CCSER2: variants seen among roughly 807,000 people sequenced by gnomAD.
CCSER2 encodes the protein serine-rich coiled-coil domain-containing protein 2.
In CCSER2, 46 loss-of-function variants were observed where a neutral mutation model predicts 92.3. The observed-to-expected ratio is 0.50, with a 90% confidence interval of 0.39 to 0.64. The LOEUF is 0.64. CCSER2 is among the 30% of genes least tolerant of loss of function. The pLI is 0.00. For missense variants in CCSER2, 1,244 were observed against 1,238.9 expected (o/e 1.00, Z -0.06); for synonymous variants, 433 against 431.4 (o/e 1.00, Z -0.04).
intron 1 of CCSER2, among the ~76,000 whole-genome samples, chr10:84,352,180 T>G (rs1028091826): frequency 2.6e-5 from 4 of 152,202 alleles, no homozygotes; most frequent in South Asian, 4.1e-4. Context: ...GGCACACGCC[T>G]ATAGTCCCAG....
At chr10:84,442,799 C>T (rs1440366465) in intron 6 of CCSER2, among the ~76,000 whole-genome samples, 1 of 152,062 alleles carries the variant, frequency 6.6e-6, no homozygotes, top group Non-Finnish European at 1.5e-5. Context: ...GATATATAGA[C>T]CAATGGAACA....
At chr10:84,511,511 T>C (rs12772335) in intron 9 of CCSER2, among the ~76,000 whole-genome samples, 8,866 of 152,302 alleles carry the variant, frequency 0.058, 369 homozygotes, top group Admixed American at 0.1. Context: ...ATAGACATAT[T>C]ACAATAAAGT....
chr10:84,481,063 A>C (rs748226845), intron 9 of CCSER2, among the ~76,000 whole-genome samples: 2 of 152,180 alleles, frequency 1.3e-5, no homozygotes, highest in Non-Finnish European at 2.9e-5. Context: ...ATGACCAGAA[A>C]GTGGCTTGGT....
rs1329725995 is a variant in CCSER2, at chr10:84,514,941, C to G, written c.*674C>G. 5 of 152,650 alleles carry G rather than the reference C, an allele frequency of 3.3e-5. No individual in the cohort carries two copies. The highest frequency in any genetic ancestry group is 7.3e-5 in the Non-Finnish European group (5 of 68,064). The allele number at this position is 152,650 out of a possible 1,614,324, so 9.5% of individuals were successfully genotyped here. A position where few individuals can be genotyped will look rare whatever the true frequency, so the allele number is the denominator to read the frequency against. On this transcript the variant is annotated 3_prime_UTR_variant, in exon 10 of 10. Coordinates refer to ENST00000372088, the MANE Select transcript of CCSER2 (RefSeq NM_001284240.2). ...AAATCAGTTATATATTCCTTTACAT[C>G]TTGTTTTACAAACACATGTGCATGC...
At chr10:84,400,003 T>TAG (rs1340116094) in intron 3 of CCSER2, among the ~76,000 whole-genome samples, 2 of 152,126 alleles carry the variant, frequency 1.3e-5, no homozygotes, top group Non-Finnish European at 2.9e-5. Context: ...AGGTTGAACT[T>TAG]TTTTGTGTGT....
intron 6 of CCSER2, among the ~76,000 whole-genome samples, chr10:84,457,285 ATTATATAT>A (rs1845729650): frequency 8.8e-5 from 7 of 79,382 alleles, no homozygotes; most frequent in South Asian, 8.5e-4. Context: ...TATATTATAT[ATTATATAT>A]TATATATAAT....
intron 9 of CCSER2, among the ~76,000 whole-genome samples, chr10:84,484,453 T>C (rs1325948687): frequency 6.6e-6 from 1 of 151,728 alleles, no homozygotes; most frequent in Non-Finnish European, 1.5e-5. Flanking sequence ...AGCCCATTTA[T>C]TTCTCTGGAG....
chr10:84,392,487 C>A (rs1218740512), intron 3 of CCSER2, among the ~76,000 whole-genome samples: 2 of 151,678 alleles, frequency 1.3e-5, no homozygotes, highest in African/African-American at 4.8e-5. Context: ...ATGGGAGTTA[C>A]AAATAGTAAA....
chr10:84,358,282 CA>C (rs1845300346), intron 1 of CCSER2, among the ~76,000 whole-genome samples: 1 of 151,904 alleles, frequency 6.6e-6, no homozygotes, highest in Non-Finnish European at 1.5e-5. Flanking sequence ...TTGGCTTCTG[CA>C]AAAAATACCC....
intron 7 of CCSER2, 24 bp downstream of exon 7, chr10:84,464,040 A>AT (rs1564692374): frequency 7.7e-7 from 1 of 1,296,642 alleles, no homozygotes; most frequent in East Asian, 2.4e-5. Flanking sequence ...GTCATGCTGG[A>AT]TTTTTCAAAA....
intron 8 of CCSER2, among the ~76,000 whole-genome samples, chr10:84,473,649 A>G (rs903934348): frequency 2.0e-5 from 3 of 152,222 alleles, no homozygotes; most frequent in African/African-American, 7.2e-5. Context: ...GAAAACAAAG[A>G]TAAGTAACAG....
At chr10:84,492,235 G>A (rs1168624199) in intron 9 of CCSER2, among the ~76,000 whole-genome samples, 2 of 151,112 alleles carry the variant, frequency 1.3e-5, no homozygotes, top group Admixed American at 6.6e-5. Flanking sequence ...AGCAGAGATA[G>A]CGCCACTGCA....
At chr10:84,505,858 C>T (rs1283371124) in intron 9 of CCSER2, among the ~76,000 whole-genome samples, 1 of 112,988 alleles carries the variant, frequency 8.9e-6, no homozygotes, top group Non-Finnish European at 2.1e-5. Context: ...ATCTGCTTTG[C>T]AGCTTGTGGG....
At chr10:84,340,992 G>C (rs1300464119) in intron 1 of CCSER2, among the ~76,000 whole-genome samples, 4 of 148,532 alleles carry the variant, frequency 2.7e-5, no homozygotes, top group Non-Finnish European at 5.9e-5. Flanking sequence ...AGATAGGAAA[G>C]AAAAACAGTG....
At position 84,401,233 on chromosome 10, in the gene CCSER2, C is replaced by T. The variant is rs72841194; in HGVS notation, c.1615-16538C>T. Among the ~76,000 whole-genome samples the T allele has an allele frequency of 2.2e-3, 334 of 151,864 alleles. 2 individuals carry two copies. Among genetic ancestry groups the T allele is most frequent in the Non-Finnish European group, 3.7e-3 (249 of 67,940 alleles). On this transcript the variant is annotated intron_variant, in intron 3 of 9. Transcript: ENST00000372088. ...AAACAGAGATTAATGGAATTAAAAG[C>T]CCAAAAGTAATTGAGAAAAAGCAAC...
intron 1 of CCSER2, among the ~76,000 whole-genome samples, chr10:84,352,102 C>T (rs944533037): frequency 2.0e-5 from 3 of 151,998 alleles, no homozygotes; most frequent in African/African-American, 7.2e-5. Flanking sequence ...AGATCGAGAC[C>T]ATCCTGGCCA....
At chr10:84,482,090 C>CA (rs1351547947) in intron 9 of CCSER2, among the ~76,000 whole-genome samples, 1 of 151,558 alleles carries the variant, frequency 6.6e-6, no homozygotes, top group African/African-American at 2.4e-5. Flanking sequence ...CTACCTAGAA[C>CA]AATAAGTAAA....
chr10:84,398,174 A>C (rs1227484120), intron 3 of CCSER2, among the ~76,000 whole-genome samples: 1 of 152,142 alleles, frequency 6.6e-6, no homozygotes, highest in East Asian at 1.9e-4. Flanking sequence ...TCCACCTTCT[A>C]AAAACTGCCT....
chr10:84,335,300 C>T (rs949182656), intron 1 of CCSER2, among the ~76,000 whole-genome samples: 1 of 135,262 alleles, frequency 7.4e-6, no homozygotes, highest in African/African-American at 2.9e-5. Flanking sequence ...GTCATCATGG[C>T]TCACTGCAGC....
Sources: allele counts gnomAD v4.1 joint callset (sites outside exome capture counted in the v4.1 genomes callset), GRCh38; gene constraint gnomAD v4.1.1; transcripts MANE v1.5; gene names NCBI Gene and HGNC (gene_info 2026-07-23, HGNC 2026-07-21).